BTBD10: variants seen among roughly 807,000 people sequenced by gnomAD.
BTBD10 encodes BTB/POZ domain-containing protein 10.
Under a neutral mutation model 53.2 loss-of-function variants are expected in BTBD10, and 21 were observed. The observed-to-expected ratio is 0.39, with a 90% CI of 0.28 to 0.57. The LOEUF (loss-of-function observed/expected upper bound fraction) is 0.57, where lower values mean the gene tolerates loss of function less well. Among genes scored for constraint, BTBD10 ranks in the 20% least tolerant of loss-of-function variants. The pLI is 0.53. For missense variants in BTBD10, 360 were observed against 594.7 expected (o/e 0.61, Z 4.10); for synonymous variants, 149 against 192.7 (o/e 0.77, Z 1.88).
chr11:13,426,531 T>C (rs1310497113), intron 2 of BTBD10, among the ~76,000 whole-genome samples: 2 of 152,116 alleles, frequency 1.3e-5, no homozygotes, highest in African/African-American at 4.8e-5. Context: ...TAATATAATA[T>C]GGGGTTTATA....
intron 8 of BTBD10, among the ~76,000 whole-genome samples, chr11:13,391,471 GTC>G (rs1254507978): frequency 1.3e-5 from 2 of 152,096 alleles, no homozygotes; most frequent in Admixed American, 1.3e-4. Context: ...CTTTTTGTAT[GTC>G]TGACTCTCTG....
chr11:13,403,142 AAT>A (rs1949747608), intron 8 of BTBD10, 24 bp downstream of exon 8: 1 of 1,312,446 alleles, frequency 7.6e-7, no homozygotes, highest in South Asian at 1.4e-5. Flanking sequence ...AAAGAAAACT[AAT>A]AGAAAATAAT....
intron 2 of BTBD10, chr11:13,440,141 T>C (rs777816582): frequency 6.7e-7 from 1 of 1,503,424 alleles, no homozygotes; most frequent in Non-Finnish European, 8.9e-7. Flanking sequence ...TACTGTGTAA[T>C]AATGCTGTTG....
At position 13,459,054 on chromosome 11, in the gene BTBD10, ATTTATTTTT is replaced by A. The variant is rs1313363762; in HGVS notation, c.-58+4029_-58+4037del. Among the ~76,000 whole-genome samples the A allele has an allele frequency of 1.4e-4, 16 of 117,892 alleles. No homozygotes were observed. The East Asian group carries it at 5.0e-3, about 37-fold the overall frequency. The allele number at this position is 117,892 out of a possible 152,430, so 77.3% of individuals were successfully genotyped here. A position where few individuals can be genotyped will look rare whatever the true frequency, so the allele number is the denominator to read the frequency against. ...TATTTATTTATTTATTTTTTTATTT[ATTTATTTTT>A]TTTTTTTTTTTGAGACGGAGTCTCG... On this transcript the variant is annotated intron_variant, in intron 1 of 8. Coordinates refer to ENST00000278174, the MANE Select transcript of BTBD10 (RefSeq NM_032320.7).
intron 6 of BTBD10, 67 bp from the exon 7 acceptor site, chr11:13,405,923 G>T: frequency 3.4e-6 from 5 of 1,483,994 alleles, no homozygotes; most frequent in Non-Finnish European, 4.6e-6. Context: ...TAGAAATATA[G>T]ACTCTTATAA....
chr11:13,414,154 A>G (rs1804362627), intron 5 of BTBD10, among the ~76,000 whole-genome samples: 1 of 152,230 alleles, frequency 6.6e-6, no homozygotes, highest in African/African-American at 2.4e-5. Flanking sequence ...AAGACATACC[A>G]TTAGATATTC....
chr11:13,408,962 A>G (rs1298829032), intron 6 of BTBD10, among the ~76,000 whole-genome samples: 1 of 152,238 alleles, frequency 6.6e-6, no homozygotes, highest in African/African-American at 2.4e-5. Flanking sequence ...CTTCTGTGTG[A>G]ACAGGGCCCC....
At chr11:13,394,643 C>A (rs1949491234) in intron 8 of BTBD10, among the ~76,000 whole-genome samples, 1 of 151,744 alleles carries the variant, frequency 6.6e-6, no homozygotes, top group African/African-American at 2.4e-5. Context: ...TGTGCTGCAC[C>A]CATTAACTCG....
chr11:13,435,327 T>C (rs1381350878), intron 2 of BTBD10, among the ~76,000 whole-genome samples: 1 of 152,204 alleles, frequency 6.6e-6, no homozygotes, highest in Non-Finnish European at 1.5e-5. Flanking sequence ...TTGGTACTGT[T>C]AATGATTGAG....
intron 5 of BTBD10, among the ~76,000 whole-genome samples, chr11:13,416,930 A>G (rs112175794): frequency 6.6e-6 from 1 of 152,174 alleles, no homozygotes; most frequent in South Asian, 2.1e-4. Flanking sequence ...GGCTGCAGTG[A>G]GCTATGATTG....
intron 6 of BTBD10, among the ~76,000 whole-genome samples, 174 bp downstream of exon 6, chr11:13,413,354 CAA>C (rs1950008344): frequency 1.3e-5 from 2 of 152,086 alleles, no homozygotes; most frequent in Admixed American, 6.6e-5. Flanking sequence ...GAAAATTGCA[CAA>C]GGAGATCATC....
chr11:13,416,932 C>A (rs1036111598), intron 5 of BTBD10, among the ~76,000 whole-genome samples: 2 of 152,112 alleles, frequency 1.3e-5, no homozygotes, highest in Non-Finnish European at 2.9e-5. Flanking sequence ...CTGCAGTGAG[C>A]TATGATTGTG....
At chr11:13,459,848 A>G (rs1260349764) in intron 1 of BTBD10, 1 of 152,210 alleles carries the variant, frequency 6.6e-6, no homozygotes, top group Non-Finnish European at 1.5e-5. Context: ...GCCTCCCCTG[A>G]TCCTCCTTTG....
At chr11:13,447,484 C>T (rs1161007106) in intron 1 of BTBD10, among the ~76,000 whole-genome samples, 3 of 152,152 alleles carry the variant, frequency 2.0e-5, no homozygotes, top group Admixed American at 1.3e-4. Context: ...CACAGATGTC[C>T]ACTGAGGGAA....
At chr11:13,445,350 C>G (rs1013893956) in intron 1 of BTBD10, among the ~76,000 whole-genome samples, 169 bp from the exon 2 acceptor site, 1 of 151,458 alleles carries the variant, frequency 6.6e-6, no homozygotes, top group Non-Finnish European at 1.5e-5. Flanking sequence ...CACCAGGGGT[C>G]TTCTTAAGTA....
intron 1 of BTBD10, among the ~76,000 whole-genome samples, chr11:13,458,975 G>A (rs867911220): frequency 1.2e-4 from 18 of 151,888 alleles, no homozygotes; most frequent in Admixed American, 1.0e-3. Context: ...TCATAACAAC[G>A]CTTGTACAAT....
intron 8 of BTBD10, among the ~76,000 whole-genome samples, chr11:13,395,431 G>C (rs1329652963): frequency 1.1e-4 from 16 of 152,040 alleles, no homozygotes; most frequent in Admixed American, 9.8e-4. Context: ...TGTAGATTCT[G>C]GATATTAGCC....
intron 1 of BTBD10, among the ~76,000 whole-genome samples, chr11:13,449,401 C>A (rs894555394): frequency 6.6e-6 from 1 of 151,914 alleles, no homozygotes; most frequent in African/African-American, 2.4e-5. Flanking sequence ...AAGATTAAAA[C>A]CCCAGTCTAA....
At position 13,455,047 on chromosome 11, in the gene BTBD10, A is replaced by G. The variant is rs370717794; in HGVS notation, c.-58+8045T>C. On this transcript the variant is annotated intron_variant, in intron 1 of 8. Transcript: ENST00000278174. ...TTCCTCAGCCTCCCAAGTAGCTGGG[A>G]TTACAGGCGTGTGCCACCACACCTG... 5.4e-4 allele frequency among the ~76,000 whole-genome samples: 82 copies of G among 152,292 alleles called. No individual in the cohort carries two copies. In the East Asian group the frequency reaches 0.012, roughly 21 times the overall value.
Sources: allele counts gnomAD v4.1 joint callset (sites outside exome capture counted in the v4.1 genomes callset), GRCh38; gene constraint gnomAD v4.1.1; transcripts MANE v1.5; gene names NCBI Gene and HGNC (gene_info 2026-07-23, HGNC 2026-07-21).